The following TRNAU1AP variants were observed in gnomAD, a reference collection of about 807,000 sequenced individuals.
TRNAU1AP encodes tRNA selenocysteine 1-associated protein 1.
A neutral mutation model predicts 43.3 loss-of-function variants in TRNAU1AP; 33 were observed. The ratio of observed to expected loss-of-function variants is 0.76; its 90% CI spans 0.58 to 1.02. The LOEUF is 1.02. Ranked by LOEUF, TRNAU1AP falls within the 50% of genes least tolerant of loss-of-function variation. The pLI is 0.00. For synonymous variants in TRNAU1AP, 143 were observed against 129.1 expected, an observed-to-expected ratio of 1.11 and a Z score of -0.73; for missense variants, 290 against 362.7, an observed-to-expected ratio of 0.80 and a Z score of 1.63.
At chr1:28,566,803 T>C (rs560778006) in intron 5 of TRNAU1AP, among the ~76,000 whole-genome samples, 1 of 151,836 alleles carries the variant, frequency 6.6e-6, no homozygotes, top group Non-Finnish European at 1.5e-5. Flanking sequence ...TGCGCAGTGC[T>C]AGGGAAATAA....
rs1665851562 is a variant in TRNAU1AP at position 28,578,201 on chromosome 1, C to T, written c.*565C>T. 6.3e-6 allele frequency: 1 copy of T among 157,886 alleles called. No individual in the cohort carries two copies. Among genetic ancestry groups the T allele is most frequent in the South Asian group, 1.8e-4 (1 of 5,406 alleles). The allele number at this position is 157,886 out of a possible 1,614,324, so 9.8% of individuals were successfully genotyped here. On this transcript the variant is annotated 3_prime_UTR_variant, in exon 9 of 9. Transcript: ENST00000373830. ...TTTCATCTATTTTCATGAGTTGCAGCATCTGCATATACAAGGCCTGGATCA... is the reference window on the plus strand; with the variant it reads ...TTTCATCTATTTTCATGAGTTGCAGTATCTGCATATACAAGGCCTGGATCA...
Position 28,558,564 on chromosome 1 carries a change from T to G in TRNAU1AP, c.126-2069T>G, listed in dbSNP as rs1282892379. On this transcript the variant is annotated intron_variant, in intron 2 of 8. Transcript: ENST00000373830. Reference sequence around the variant, plus strand: ...ACACACCACTACGCCCGACTAATTTTTTTTTTTTTTTTTTTTTTGAGACGG... The same window carrying G: ...ACACACCACTACGCCCGACTAATTTGTTTTTTTTTTTTTTTTTTGAGACGG... Among the ~76,000 whole-genome samples the G allele has an allele frequency of 1.1e-4, 16 of 144,234 alleles. 1 individual carries two copies. The highest frequency in any genetic ancestry group is 1.1e-3 in the Admixed American group (16 of 14,532). 94.6% of individuals were successfully genotyped at this position (144,234 alleles called of 152,430 possible).
chr1:28,562,612 A>G (rs568365671), intron 4 of TRNAU1AP, among the ~76,000 whole-genome samples: 32 of 149,244 alleles, frequency 2.1e-4, no homozygotes, highest in African/African-American at 7.4e-4. Flanking sequence ...ACGGAGTCTC[A>G]CTCTGTTGCC....
At chr1:28,570,973 G>T (rs1032191072) in intron 6 of TRNAU1AP, among the ~76,000 whole-genome samples, 2 of 152,068 alleles carry the variant, frequency 1.3e-5, no homozygotes, top group Non-Finnish European at 2.9e-5. Context: ...GCTGAGGCAG[G>T]AGAATCGCTT....
At chr1:28,564,047 T>C (rs1665480392) in intron 4 of TRNAU1AP, among the ~76,000 whole-genome samples, 1 of 151,944 alleles carries the variant, frequency 6.6e-6, no homozygotes, top group Non-Finnish European at 1.5e-5. Context: ...GGTGGATCAT[T>C]TGAGGTCAGG....
chr1:28,561,837 C>T (rs1183177396), intron 4 of TRNAU1AP, among the ~76,000 whole-genome samples: 2 of 152,138 alleles, frequency 1.3e-5, no homozygotes, highest in Admixed American at 1.3e-4. Flanking sequence ...CTTTGGGAGG[C>T]CAAGGCGGGC....
chr1:28,567,221 ACTT>A, intron 5 of TRNAU1AP, 70 bp from the exon 6 acceptor site: 2 of 1,528,132 alleles, frequency 1.3e-6, no homozygotes, highest in African/African-American at 1.4e-5. Context: ...TCTTATCCTT[ACTT>A]CTTTTTCATG....
chr1:28,566,524 G>A (rs901515721), intron 5 of TRNAU1AP, among the ~76,000 whole-genome samples: 6 of 151,758 alleles, frequency 4.0e-5, no homozygotes, highest in Admixed American at 6.6e-5. Flanking sequence ...AGGCCGAGGC[G>A]GGTGGATCAT....
chr1:28,565,035 G>A (rs1446042733), intron 5 of TRNAU1AP: 1 of 599,886 alleles, frequency 1.7e-6, no homozygotes, highest in Admixed American at 3.3e-5. Flanking sequence ...GACCCTTACA[G>A]CCCCATCTGT....
intron 2 of TRNAU1AP, among the ~76,000 whole-genome samples, chr1:28,560,094 T>C (rs1184953179): frequency 6.6e-6 from 1 of 152,134 alleles, no homozygotes; most frequent in African/African-American, 2.4e-5. Flanking sequence ...ATCGAGATGA[T>C]ATCCGTCTCA....
intron 8 of TRNAU1AP, among the ~76,000 whole-genome samples, chr1:28,572,178 G>A (rs550938771): frequency 1.0e-3 from 153 of 152,150 alleles, no homozygotes; most frequent in African/African-American, 3.1e-3. Flanking sequence ...GGCCTCTAAC[G>A]ATAATACTGT....
intron 8 of TRNAU1AP, among the ~76,000 whole-genome samples, chr1:28,573,877 C>T (rs981319109): frequency 2.0e-5 from 3 of 151,512 alleles, no homozygotes; most frequent in African/African-American, 4.8e-5. Flanking sequence ...ATGGAGGTTT[C>T]GGTGAGCCAA....
chr1:28,556,377 T>C (rs1296353807), intron 2 of TRNAU1AP, among the ~76,000 whole-genome samples: 1 of 151,682 alleles, frequency 6.6e-6, no homozygotes, highest in East Asian at 2.0e-4. Context: ...GGAAGGAGAA[T>C]CGTTTGAACC....
At chr1:28,577,479 C>T (rs778930631) in intron 8 of TRNAU1AP, 21 bp from the exon 9 acceptor site, 9 of 1,612,646 alleles carry the variant, frequency 5.6e-6, no homozygotes, top group African/African-American at 1.3e-5. Flanking sequence ...TTCCCTGACC[C>T]CATCCTTGCT....
At chr1:28,553,512 A>G (rs1665182015) in intron 1 of TRNAU1AP, 128 bp from the exon 2 acceptor site, 4 of 848,314 alleles carry the variant, frequency 4.7e-6, no homozygotes, top group Non-Finnish European at 7.5e-6. Flanking sequence ...CGCTCAGTGG[A>G]GGCGAACCTC....
At chr1:28,555,525 C>T (rs1195051604) in intron 2 of TRNAU1AP, among the ~76,000 whole-genome samples, 7 of 146,544 alleles carry the variant, frequency 4.8e-5, no homozygotes, top group East Asian at 2.1e-4. Flanking sequence ...GACGGAGTCT[C>T]GCTCTGTCAC....
intron 2 of TRNAU1AP, among the ~76,000 whole-genome samples, chr1:28,559,543 G>A (rs1271005729): frequency 1.3e-5 from 2 of 151,892 alleles, no homozygotes; most frequent in Non-Finnish European, 2.9e-5. Context: ...CAGGAGAATC[G>A]CTTGAATCTG....
intron 4 of TRNAU1AP, among the ~76,000 whole-genome samples, chr1:28,561,873 C>T (rs1198746720): frequency 1.3e-5 from 2 of 152,096 alleles, no homozygotes; most frequent in Admixed American, 1.3e-4. Flanking sequence ...GAGATCGAGA[C>T]CATCCTGGCT....
Position 28,561,037 on chromosome 1 carries a change from C to T in TRNAU1AP, c.225+305C>T, listed in dbSNP as rs1020570703. On this transcript the variant is annotated intron_variant, in intron 3 of 8. Transcript: ENST00000373830. ...AAGACTTGAAACTCTAGACCTCTTG[C>T]CTGATTGGGAAACTAGAATAGGCTG... 5.9e-6 allele frequency: 8 copies of T among 1,345,292 alleles called. No individual in the cohort carries two copies. The African/African-American group carries it at 1.2e-4, about 20-fold the overall frequency. 83.3% of individuals were successfully genotyped at this position (1,345,292 alleles called of 1,614,324 possible). A position where few individuals can be genotyped will look rare whatever the true frequency, so the allele number is the denominator to read the frequency against.
Sources: gnomAD v4.1 joint callset for allele counts (sites outside exome capture counted in the v4.1 genomes callset) on GRCh38, gnomAD v4.1.1 for gene constraint, MANE v1.5 for transcripts, NCBI Gene and HGNC (gene_info 2026-07-23, HGNC 2026-07-21) for gene names.